Variants in GRID2 observed in about 807,000 individuals in gnomAD.
GRID2 encodes glutamate ionotropic receptor delta type subunit 2.
Under a neutral mutation model 114.8 loss-of-function variants are expected in GRID2, and 33 were observed. That is an observed-to-expected ratio of 0.29 (90% CI 0.22 to 0.38). GRID2 has a LOEUF of 0.38. GRID2 is among the 10% of genes least tolerant of loss of function. GRID2 has a pLI of 1.00. For synonymous variants in GRID2, 505 were observed against 449.9 expected, an observed-to-expected ratio of 1.12 and a Z score of -1.55; for missense variants, 1,184 against 1,257.7, an observed-to-expected ratio of 0.94 and a Z score of 0.89.
In GRID2 at chr4:93,377,146, A is replaced by C. The variant is rs147192075; in HGVS notation, c.1246-18461A>C. Among the ~76,000 whole-genome samples, 488 of 152,290 alleles carry C rather than the reference A, an allele frequency of 3.2e-3. 4 individuals carry two copies. Among genetic ancestry groups the C allele is most frequent in the Non-Finnish European group, 5.3e-3 (358 of 68,024 alleles). ...TCTGACCAAAGTAGGGGCAAGAAAG[A>C]GTAGGCGCATAAATAAATAACTCAT... On this transcript the variant is annotated intron_variant, in intron 8 of 15. Coordinates refer to ENST00000282020, the MANE Select transcript of GRID2 (RefSeq NM_001510.4).
intron 2 of GRID2, among the ~76,000 whole-genome samples, chr4:92,689,882 C>G (rs1734091869): frequency 6.6e-6 from 1 of 152,132 alleles, no homozygotes; most frequent in Non-Finnish European, 1.5e-5. Flanking sequence ...GCTTCCTTAC[C>G]TCACTCAGCC....
intron 1 of GRID2, among the ~76,000 whole-genome samples, chr4:92,492,100 T>C (rs1407089650): frequency 6.6e-6 from 1 of 152,200 alleles, no homozygotes; most frequent in Non-Finnish European, 1.5e-5. Flanking sequence ...TAAAAGGCTT[T>C]GTATGCTCAT....
chr4:93,741,354 A>G (rs1731403821), intron 14 of GRID2, among the ~76,000 whole-genome samples: 1 of 151,768 alleles, frequency 6.6e-6, no homozygotes, highest in South Asian at 2.1e-4. Context: ...CATTTAAAAT[A>G]TACTTACCCT....
At chr4:93,720,595 C>T (rs1012736571) in intron 14 of GRID2, among the ~76,000 whole-genome samples, 4 of 152,160 alleles carry the variant, frequency 2.6e-5, no homozygotes, top group Admixed American at 6.5e-5. Flanking sequence ...CATCTGTATG[C>T]TTCACAAACT....
intron 1 of GRID2, among the ~76,000 whole-genome samples, chr4:92,473,694 A>T (rs1002196686): frequency 6.6e-6 from 1 of 152,046 alleles, no homozygotes; most frequent in Non-Finnish European, 1.5e-5. Flanking sequence ...GTTGTTAGCT[A>T]TCGCGTTCTA....
At chr4:92,444,428 G>C (rs532537145) in intron 1 of GRID2, among the ~76,000 whole-genome samples, 1 of 152,248 alleles carries the variant, frequency 6.6e-6, no homozygotes, top group Non-Finnish European at 1.5e-5. Context: ...CAGTGGGGGT[G>C]CTTTTGGCGC....
chr4:92,847,799 C>T (rs951273408), intron 2 of GRID2, among the ~76,000 whole-genome samples: 28 of 151,830 alleles, frequency 1.8e-4, no homozygotes, highest in Admixed American at 2.0e-4. Flanking sequence ...AAGTGGCAAA[C>T]GAACAAATCG....
intron 13 of GRID2, among the ~76,000 whole-genome samples, chr4:93,564,967 GA>G (rs1405657624): frequency 2.0e-5 from 3 of 151,794 alleles, no homozygotes; most frequent in Non-Finnish European, 4.4e-5. Context: ...ATTAGAATGA[GA>G]AAACACTTAT....
chr4:93,222,401 G>C (rs1313226949), intron 6 of GRID2, among the ~76,000 whole-genome samples: 1 of 151,652 alleles, frequency 6.6e-6, no homozygotes, highest in African/African-American at 2.4e-5. Context: ...ATGTTAACTA[G>C]TTGGAGAAAG....
At chr4:93,194,856 A>T (rs559819673) in intron 4 of GRID2, among the ~76,000 whole-genome samples, 2 of 152,164 alleles carry the variant, frequency 1.3e-5, no homozygotes, top group African/African-American at 2.4e-5. Context: ...ATCAGAAACT[A>T]TTGGGGTAGG....
chr4:92,341,315 G>T (rs998646957), intron 1 of GRID2, among the ~76,000 whole-genome samples: 3 of 152,072 alleles, frequency 2.0e-5, no homozygotes, highest in Non-Finnish European at 4.4e-5. Context: ...ATGGTCCAAT[G>T]TGTCCTACCT....
At chr4:92,817,638 T>C (rs1740997364) in intron 2 of GRID2, among the ~76,000 whole-genome samples, 1 of 152,160 alleles carries the variant, frequency 6.6e-6, no homozygotes, top group African/African-American at 2.4e-5. Flanking sequence ...AATGTTTAAT[T>C]GATTTGTATC....
intron 1 of GRID2, among the ~76,000 whole-genome samples, chr4:92,339,134 C>T (rs1727343893): frequency 6.6e-6 from 1 of 152,050 alleles, no homozygotes; most frequent in African/African-American, 2.4e-5. Flanking sequence ...CATTATAATT[C>T]TGTAGTCATT....
At chr4:93,171,105 A>T (rs966146257) in intron 4 of GRID2, among the ~76,000 whole-genome samples, 2 of 152,146 alleles carry the variant, frequency 1.3e-5, no homozygotes, top group Non-Finnish European at 2.9e-5. Context: ...TTCCTATCTC[A>T]CTTGTAGTAA....
chr4:92,919,729 A>C (rs906191721), intron 2 of GRID2, among the ~76,000 whole-genome samples: 21 of 152,188 alleles, frequency 1.4e-4, no homozygotes, highest in African/African-American at 4.6e-4. Context: ...GTTTGTTATA[A>C]TTTCTGTTCT....
intron 4 of GRID2, among the ~76,000 whole-genome samples, chr4:93,171,334 C>T (rs1738799735): frequency 6.6e-6 from 1 of 152,070 alleles, no homozygotes. Flanking sequence ...GGCTCACTCC[C>T]TCACTCTCTC....
chr4:93,778,963 G>T (rs2110348974), downstream of GRID2, among the ~76,000 whole-genome samples: 1 of 152,080 alleles, frequency 6.6e-6, no homozygotes, highest in Non-Finnish European at 1.5e-5. Context: ...TTGTAATTCT[G>T]CATGACTAAA....
chr4:92,315,848 G>A (rs1361225608), intron 1 of GRID2, among the ~76,000 whole-genome samples: 2 of 151,872 alleles, frequency 1.3e-5, no homozygotes, highest in African/African-American at 4.8e-5. Flanking sequence ...GTGTGCGCCT[G>A]TAATCCCAGC....
rs1440225788 is a variant in GRID2, at chr4:92,510,997, A to G, written c.89-79134A>G. ...GATAAAGTGAGTAAATATGTAGAAT[A>G]CTGAGAGTTTGGCTTACCATAAGAT... On this transcript the variant is annotated intron_variant, in intron 1 of 15. Coordinates refer to ENST00000282020, the MANE Select transcript of GRID2 (RefSeq NM_001510.4). Among the ~76,000 whole-genome samples, 4 of 151,892 alleles carry G rather than the reference A, an allele frequency of 2.6e-5. No homozygotes were observed. In the East Asian group the frequency reaches 7.8e-4, roughly 29 times the overall value.
Sources: gnomAD v4.1 joint callset for allele counts (sites outside exome capture counted in the v4.1 genomes callset) on GRCh38, gnomAD v4.1.1 for gene constraint, MANE v1.5 for transcripts, NCBI Gene and HGNC (gene_info 2026-07-23, HGNC 2026-07-21) for gene names.